The following ST6GALNAC3 variants were observed in gnomAD, a reference collection of about 807,000 sequenced individuals.
ST6GALNAC3 encodes ST6 N-acetylgalactosaminide alpha-2,6-sialyltransferase 3.
ST6GALNAC3 carries 25 observed loss-of-function variants against 32.7 expected under a neutral mutation model. That is an observed-to-expected ratio of 0.76 (90% CI 0.56 to 1.07). The LOEUF (loss-of-function observed/expected upper bound fraction) is 1.07. ST6GALNAC3 is among the 50% of genes least tolerant of loss of function. The pLI is 0.00. For missense variants in ST6GALNAC3, 355 were observed against 382.4 expected (o/e 0.93, Z 0.60); for synonymous variants, 129 against 133.1 (o/e 0.97, Z 0.21).
At chr1:76,165,058 A>G (rs1021628594) in intron 1 of ST6GALNAC3, among the ~76,000 whole-genome samples, 2 of 152,126 alleles carry the variant, frequency 1.3e-5, no homozygotes, top group African/African-American at 4.8e-5. Context: ...TATTAAGCCT[A>G]GTATTATATA....
intron 1 of ST6GALNAC3, among the ~76,000 whole-genome samples, chr1:76,218,581 A>G (rs2100597082): frequency 6.6e-6 from 1 of 152,368 alleles, no homozygotes; most frequent in Admixed American, 6.5e-5. Flanking sequence ...TAAAGGAAAA[A>G]TTATATCTAT....
At chr1:76,526,400 G>T (rs902531159) in intron 3 of ST6GALNAC3, among the ~76,000 whole-genome samples, 4 of 152,068 alleles carry the variant, frequency 2.6e-5, no homozygotes, top group African/African-American at 9.7e-5. Flanking sequence ...GTCCTTTCCA[G>T]ATATTCATGC....
At chr1:76,380,305 G>C (rs781254530) in intron 2 of ST6GALNAC3, among the ~76,000 whole-genome samples, 1 of 152,086 alleles carries the variant, frequency 6.6e-6, no homozygotes, top group Non-Finnish European at 1.5e-5. Context: ...AAAAAATGAT[G>C]GATCAAACCA....
intron 1 of ST6GALNAC3, among the ~76,000 whole-genome samples, chr1:76,220,020 C>T (rs12035017): frequency 0.46 from 69,222 of 151,894 alleles, 18,395 homozygotes; most frequent in East Asian, 0.83. Flanking sequence ...TCTGTAGGCA[C>T]CACTTTTGCT....
intron 1 of ST6GALNAC3, among the ~76,000 whole-genome samples, chr1:76,108,001 C>G (rs1239371728): frequency 6.6e-6 from 1 of 152,064 alleles, no homozygotes; most frequent in East Asian, 1.9e-4. Context: ...GCGATTTTAG[C>G]TATATATTTG....
intron 1 of ST6GALNAC3, among the ~76,000 whole-genome samples, chr1:76,143,592 GTGT>G (rs775244672): frequency 5.3e-5 from 8 of 152,216 alleles, no homozygotes; most frequent in Admixed American, 6.5e-5. Context: ...TAATACCAAA[GTGT>G]TGTTGTTGTT....
chr1:76,578,197 C>T (rs1427115934), intron 3 of ST6GALNAC3, among the ~76,000 whole-genome samples: 1 of 151,938 alleles, frequency 6.6e-6, no homozygotes, highest in African/African-American at 2.4e-5. Context: ...TCACATTTGC[C>T]AACCATAAAA....
chr1:76,243,982 A>G (rs923151531), intron 1 of ST6GALNAC3, among the ~76,000 whole-genome samples: 1 of 152,208 alleles, frequency 6.6e-6, no homozygotes, highest in African/African-American at 2.4e-5. Flanking sequence ...AATTCTGTGA[A>G]GAAAGTCAAT....
At chr1:76,437,247 C>G (rs2101480802) in intron 3 of ST6GALNAC3, among the ~76,000 whole-genome samples, 1 of 152,266 alleles carries the variant, frequency 6.6e-6, no homozygotes, top group African/African-American at 2.4e-5. Flanking sequence ...CCCCATCTAA[C>G]AGAAGAGATC....
At chr1:76,484,583 AC>A (rs1320641782) in intron 3 of ST6GALNAC3, among the ~76,000 whole-genome samples, 1 of 152,150 alleles carries the variant, frequency 6.6e-6, no homozygotes, top group Non-Finnish European at 1.5e-5. Context: ...GTATCCTGAG[AC>A]TTTGCTGATG....
intron 1 of ST6GALNAC3, among the ~76,000 whole-genome samples, chr1:76,282,111 TA>T (rs1659530472): frequency 6.6e-6 from 1 of 152,102 alleles, no homozygotes; most frequent in Non-Finnish European, 1.5e-5. Context: ...ACAAGAATTA[TA>T]TGTGTTCCTT....
chr1:76,090,412 A>G (rs1210898494), intron 1 of ST6GALNAC3, among the ~76,000 whole-genome samples: 1 of 152,216 alleles, frequency 6.6e-6, no homozygotes, highest in Non-Finnish European at 1.5e-5. Flanking sequence ...ACTTCAGACT[A>G]ACTGGCCGGA....
chr1:76,340,697 C>A lies in ST6GALNAC3; in HGVS notation c.213+26698C>A, dbSNP rs538617980. Among the ~76,000 whole-genome samples, 10 of 152,242 alleles carry A rather than the reference C, an allele frequency of 6.6e-5. No homozygotes were observed. In the South Asian group the frequency reaches 8.3e-4, roughly 13 times the overall value. On this transcript the variant is annotated intron_variant, in intron 2 of 4. Transcript: ENST00000328299. ...ACAAAAGGCTGAGAAAATTAAAATA[C>A]TAAAATGTTGCACATCTTTGTGTTT...
intron 3 of ST6GALNAC3, among the ~76,000 whole-genome samples, chr1:76,460,528 G>A (rs1283879797): frequency 2.6e-5 from 4 of 152,114 alleles, no homozygotes; most frequent in East Asian, 3.9e-4. Context: ...CAAGAAATAA[G>A]CTGCCCTTTG....
chr1:76,155,538 G>A (rs1206951116), intron 1 of ST6GALNAC3, among the ~76,000 whole-genome samples: 8 of 151,916 alleles, frequency 5.3e-5, no homozygotes, highest in Admixed American at 5.2e-4. Context: ...CGCAATCTCG[G>A]CTCACTGCAA....
chr1:76,523,645 A>G (rs1050087322), intron 3 of ST6GALNAC3, among the ~76,000 whole-genome samples: 1 of 152,152 alleles, frequency 6.6e-6, no homozygotes, highest in African/African-American at 2.4e-5. Context: ...ACACTACTTC[A>G]TTCACTAGCT....
chr1:76,174,908 TC>T (rs1313271829), intron 1 of ST6GALNAC3, among the ~76,000 whole-genome samples: 1 of 152,144 alleles, frequency 6.6e-6, no homozygotes, highest in Non-Finnish European at 1.5e-5. Context: ...CCTCAAGTGA[TC>T]CATCTGCCTC....
intron 3 of ST6GALNAC3, among the ~76,000 whole-genome samples, chr1:76,513,510 C>A (rs554409071): frequency 1.3e-5 from 2 of 152,036 alleles, no homozygotes; most frequent in Non-Finnish European, 2.9e-5. Flanking sequence ...TATGTTAGTA[C>A]CATAATGTCT....
chr1:76,530,940 C>G (rs1426334339), intron 3 of ST6GALNAC3, among the ~76,000 whole-genome samples: 1 of 152,206 alleles, frequency 6.6e-6, no homozygotes, highest in Non-Finnish European at 1.5e-5. Context: ...AGGGCACCAT[C>G]AAATTGTGGC....
Sources: allele counts gnomAD v4.1 joint callset (sites outside exome capture counted in the v4.1 genomes callset), GRCh38; gene constraint gnomAD v4.1.1; transcripts MANE v1.5; gene names NCBI Gene and HGNC (gene_info 2026-07-23, HGNC 2026-07-21).